Variants in TCF7L1 observed in about 807,000 individuals in gnomAD.
The protein encoded by TCF7L1 is transcription factor 7 like 1, also known as transcription factor 7-like 1.
A neutral mutation model predicts 63.7 loss-of-function variants in TCF7L1; 18 were observed. That is an observed-to-expected ratio of 0.28 (90% CI 0.20 to 0.42). The LOEUF (loss-of-function observed/expected upper bound fraction) is 0.42, where lower values mean the gene tolerates loss of function less well. Ranked by LOEUF, TCF7L1 falls within the 10% of genes least tolerant of loss-of-function variation. TCF7L1 has a pLI of 1.00. For synonymous variants in TCF7L1, 355 were observed against 340.9 expected, an observed-to-expected ratio of 1.04 and a Z score of -0.46; for missense variants, 654 against 779.3, an observed-to-expected ratio of 0.84 and a Z score of 1.91.
At chr2:85,136,005 A>G (rs1483534499) in intron 3 of TCF7L1, among the ~76,000 whole-genome samples, 2 of 151,968 alleles carry the variant, frequency 1.3e-5, no homozygotes, top group Non-Finnish European at 2.9e-5. Context: ...CCACACATGT[A>G]GCTTAGTTCT....
chr2:85,152,062 T>C (rs1678030223), intron 3 of TCF7L1, among the ~76,000 whole-genome samples: 2 of 152,254 alleles, frequency 1.3e-5, no homozygotes, highest in African/African-American at 2.4e-5. Context: ...ATACCCAAAC[T>C]GTCCCATCTT....
At position 85,163,080 on chromosome 2, in the gene TCF7L1, G is replaced by A. The variant is rs183189117; in HGVS notation, c.441+28630G>A. Among the ~76,000 whole-genome samples the A allele has an allele frequency of 1.9e-3, 289 of 152,232 alleles. 1 individual carries two copies. Among genetic ancestry groups the A allele is most frequent in the African/African-American group, 6.7e-3 (277 of 41,550 alleles). On this transcript the variant is annotated intron_variant, in intron 3 of 11. Coordinates refer to ENST00000282111, the MANE Select transcript of TCF7L1 (RefSeq NM_031283.3). ...AAGGAAAGGCCCTCCAAGGTCGTAG[G>A]GTCCAGTGGCTCTCAACCCTGGCTG...
intron 3 of TCF7L1, among the ~76,000 whole-genome samples, chr2:85,279,057 G>A (rs909142800): frequency 2.6e-5 from 4 of 151,678 alleles, no homozygotes; most frequent in South Asian, 2.1e-4. Context: ...GCCCAGCCAC[G>A]ACACACTGGT....
chr2:85,269,590 G>C (rs1681095119), intron 3 of TCF7L1, among the ~76,000 whole-genome samples: 2 of 152,200 alleles, frequency 1.3e-5, no homozygotes, highest in Admixed American at 6.5e-5. Flanking sequence ...TTACAGGCGT[G>C]AGCCACCACA....
chr2:85,165,066 T>C (rs1574086284), intron 3 of TCF7L1, among the ~76,000 whole-genome samples: 2 of 152,348 alleles, frequency 1.3e-5, no homozygotes, highest in East Asian at 1.9e-4. Flanking sequence ...TGGAGGCCTC[T>C]GTGGGCTTCC....
intron 3 of TCF7L1, among the ~76,000 whole-genome samples, chr2:85,183,945 G>C (rs1403669714): frequency 6.6e-6 from 1 of 152,180 alleles, no homozygotes; most frequent in Non-Finnish European, 1.5e-5. Flanking sequence ...CTGGAGAAGA[G>C]GGAAAGTCAA....
chr2:85,230,267 C>T (rs573793033), intron 3 of TCF7L1, among the ~76,000 whole-genome samples: 3 of 152,274 alleles, frequency 2.0e-5, no homozygotes, highest in African/African-American at 7.2e-5. Flanking sequence ...ATGGATTAAG[C>T]TTTTTCTGAA....
At chr2:85,236,566 G>T (rs1680197446) in intron 3 of TCF7L1, among the ~76,000 whole-genome samples, 1 of 152,112 alleles carries the variant, frequency 6.6e-6, no homozygotes, top group South Asian at 2.1e-4. Context: ...ACAGGTGCTG[G>T]GCTTGTCAGA....
chr2:85,251,363 A>G (rs940009209), intron 3 of TCF7L1, among the ~76,000 whole-genome samples: 3 of 152,206 alleles, frequency 2.0e-5, no homozygotes, highest in African/African-American at 7.2e-5. Flanking sequence ...ACACAAAGAG[A>G]AGCTTGTGAG....
chr2:85,184,085 T>C (rs1370694643), intron 3 of TCF7L1, among the ~76,000 whole-genome samples: 1 of 152,172 alleles, frequency 6.6e-6, no homozygotes, highest in Non-Finnish European at 1.5e-5. Flanking sequence ...AGTGAGGTTG[T>C]TTTTTGTCTT....
intron 3 of TCF7L1, among the ~76,000 whole-genome samples, chr2:85,232,750 C>T (rs1680112473): frequency 6.6e-6 from 1 of 152,154 alleles, no homozygotes; most frequent in African/African-American, 2.4e-5. Context: ...TCCCGGTTGT[C>T]ATTAGAATGT....
At chr2:85,139,434 G>A (rs1227560492) in intron 3 of TCF7L1, among the ~76,000 whole-genome samples, 1 of 152,148 alleles carries the variant, frequency 6.6e-6, no homozygotes, top group African/African-American at 2.4e-5. Flanking sequence ...TTGCCCTAAA[G>A]GATTTAAAAA....
chr2:85,304,330 G>A lies in TCF7L1; in HGVS notation c.837G>A (p.Ser279=), dbSNP rs768261933. The change falls in exon 7 of 12, where the codon TCG becomes TCA. Residue 279 remains serine (S), a synonymous_variant. Coordinates refer to ENST00000282111, the MANE Select transcript of TCF7L1 (RefSeq NM_031283.3). ...ACCCCGCCCTCGCCATGAACGCCTCGATGTCCAGGTGAGTCCCGGGGCTGG... is the reference window on the plus strand; with the variant it reads ...ACCCCGCCCTCGCCATGAACGCCTCAATGTCCAGGTGAGTCCCGGGGCTGG... ...HPYPALAMNA[S]MSSLVSSRFS... 2.6e-5 allele frequency: 42 copies of A among 1,613,748 alleles called. No individual in the cohort carries two copies. The highest frequency in any genetic ancestry group is 3.1e-5 in the Non-Finnish European group (36 of 1,179,976).
At chr2:85,162,900 C>T (rs1442708726) in intron 3 of TCF7L1, among the ~76,000 whole-genome samples, 1 of 152,086 alleles carries the variant, frequency 6.6e-6, no homozygotes. Context: ...TTTTTCCCAC[C>T]ATTCCCCGCT....
intron 3 of TCF7L1, among the ~76,000 whole-genome samples, chr2:85,226,816 C>CTTTT (rs58016100): frequency 1.5e-5 from 2 of 137,452 alleles, no homozygotes; most frequent in African/African-American, 2.7e-5. Flanking sequence ...CTCCCCCCGC[C>CTTTT]TTTTTTTTTT....
intron 3 of TCF7L1, among the ~76,000 whole-genome samples, chr2:85,219,804 A>T (rs935914384): frequency 1.3e-5 from 2 of 152,246 alleles, no homozygotes; most frequent in Non-Finnish European, 2.9e-5. Flanking sequence ...CAAGAGAATG[A>T]TAATTGCATT....
chr2:85,236,793 T>G (rs1265736533), intron 3 of TCF7L1, among the ~76,000 whole-genome samples: 1 of 152,066 alleles, frequency 6.6e-6, no homozygotes. Context: ...GCGTCAAAAG[T>G]CTCATGGCTT....
intron 3 of TCF7L1, among the ~76,000 whole-genome samples, chr2:85,229,156 C>A (rs779408676): frequency 2.0e-5 from 3 of 152,104 alleles, no homozygotes; most frequent in Non-Finnish European, 2.9e-5. Flanking sequence ...ACCATCCTGG[C>A]CAACATGGTG....
chr2:85,296,712 A>G (rs1255834162), intron 4 of TCF7L1, among the ~76,000 whole-genome samples: 1 of 152,070 alleles, frequency 6.6e-6, no homozygotes, highest in African/African-American at 2.4e-5. Context: ...ATTCTTACTC[A>G]TGTCTCCCAG....
Sources: allele counts gnomAD v4.1 joint callset (sites outside exome capture counted in the v4.1 genomes callset), GRCh38; gene constraint gnomAD v4.1.1; transcripts MANE v1.5; gene names NCBI Gene and HGNC (gene_info 2026-07-23, HGNC 2026-07-21).